The following CLEC16A variants were observed in gnomAD, a reference collection of about 807,000 sequenced individuals.
The protein encoded by CLEC16A is protein CLEC16A.
CLEC16A carries 51 observed loss-of-function variants against 109.5 expected under a neutral mutation model. That is an observed-to-expected ratio of 0.47 (90% confidence interval 0.37 to 0.59). The LOEUF is 0.59. Among genes scored for constraint, CLEC16A ranks in the 20% least tolerant of loss-of-function variants. CLEC16A has a pLI of 0.00. For synonymous variants in CLEC16A, 673 were observed against 564.2 expected (o/e 1.19, Z -2.73); for missense variants, 1,339 against 1,394.0 (o/e 0.96, Z 0.63).
At chr16:11,001,903 A>G (rs897542069) in intron 10 of CLEC16A, among the ~76,000 whole-genome samples, 3 of 152,182 alleles carry the variant, frequency 2.0e-5, no homozygotes, top group African/African-American at 7.2e-5. Flanking sequence ...AATGAGAGCC[A>G]GAATTTGACA....
At chr16:11,067,652 T>A (rs1213141517) in intron 19 of CLEC16A, among the ~76,000 whole-genome samples, 2 of 152,196 alleles carry the variant, frequency 1.3e-5, no homozygotes, top group Non-Finnish European at 2.9e-5. Context: ...TGTGATCAGA[T>A]TTGTATCTCA....
At chr16:11,146,635 A>T (rs2054069148) in intron 22 of CLEC16A, among the ~76,000 whole-genome samples, 1 of 151,490 alleles carries the variant, frequency 6.6e-6, no homozygotes, top group Non-Finnish European at 1.5e-5. Context: ...AGGTGGATTG[A>T]TTGGTGTACA....
chr16:11,051,766 TAG>T, intron 18 of CLEC16A, 125 bp downstream of exon 18: 1 of 1,234,878 alleles, frequency 8.1e-7, no homozygotes. Context: ...AGACAGTGGA[TAG>T]AGAGTACCCA....
chr16:11,100,955 A>G (rs2050879950), intron 19 of CLEC16A, among the ~76,000 whole-genome samples: 1 of 152,258 alleles, frequency 6.6e-6, no homozygotes, highest in South Asian at 2.1e-4. Flanking sequence ...GTCTGTTGAG[A>G]CTGTGGCTGC....
intron 13 of CLEC16A, 67 bp from the exon 14 acceptor site, chr16:11,039,687 G>A: frequency 3.9e-6 from 6 of 1,530,870 alleles, no homozygotes. Flanking sequence ...CACTCTACAG[G>A]ACCTTTCGGT....
chr16:10,977,115 A>C, intron 7 of CLEC16A, 110 bp from the exon 8 acceptor site: 1 of 1,013,988 alleles, frequency 9.9e-7, no homozygotes, highest in Non-Finnish European at 1.5e-6. Context: ...CTTGAGACTA[A>C]CTCAAATATG....
At chr16:11,111,522 C>A (rs1014484760) in intron 19 of CLEC16A, among the ~76,000 whole-genome samples, 2 of 152,080 alleles carry the variant, frequency 1.3e-5, no homozygotes, top group African/African-American at 4.8e-5. Flanking sequence ...AAGGGTAGAC[C>A]CCACCACTTG....
At chr16:11,169,831 G>A (rs966245664) in intron 23 of CLEC16A, among the ~76,000 whole-genome samples, 1 of 152,186 alleles carries the variant, frequency 6.6e-6, no homozygotes, top group African/African-American at 2.4e-5. Flanking sequence ...CCTTCTCAGT[G>A]TGCACCTGCT....
At chr16:11,159,502 G>A (rs905348986) in intron 22 of CLEC16A, among the ~76,000 whole-genome samples, 3 of 152,214 alleles carry the variant, frequency 2.0e-5, no homozygotes, top group African/African-American at 7.2e-5. Context: ...ATGCCAGCCC[G>A]AGCAGTTCCA....
intron 19 of CLEC16A, among the ~76,000 whole-genome samples, chr16:11,109,229 G>T (rs569955804): frequency 6.6e-6 from 1 of 150,596 alleles, no homozygotes; most frequent in African/African-American, 2.4e-5. Context: ...GCAGTGGTGC[G>T]ATCATGACCC....
chr16:11,047,399 TC>T, intron 17 of CLEC16A, 57 bp downstream of exon 17: 1 of 1,390,660 alleles, frequency 7.2e-7, no homozygotes, highest in South Asian at 1.4e-5. Context: ...CCTGCCAAGC[TC>T]CCCCTGCCCA....
At chr16:10,997,986 G>T (rs922828565) in intron 10 of CLEC16A, among the ~76,000 whole-genome samples, 1 of 152,186 alleles carries the variant, frequency 6.6e-6, no homozygotes, top group Non-Finnish European at 1.5e-5. Flanking sequence ...TGTCTTCTCA[G>T]CCATGTGTCT....
At chr16:11,031,781 T>G (rs754775014) in intron 13 of CLEC16A, among the ~76,000 whole-genome samples, 3 of 151,970 alleles carry the variant, frequency 2.0e-5, no homozygotes, top group Non-Finnish European at 4.4e-5. Flanking sequence ...TAAAACTAGG[T>G]AATGCGGTGG....
At chr16:11,019,323 A>T (rs2045953809) in intron 11 of CLEC16A, among the ~76,000 whole-genome samples, 1 of 152,202 alleles carries the variant, frequency 6.6e-6, no homozygotes, top group African/African-American at 2.4e-5. Flanking sequence ...AAAAATAAAA[A>T]TGCACACCAT....
chr16:10,950,733 T>A (rs1203256132), intron 1 of CLEC16A, among the ~76,000 whole-genome samples: 1 of 152,202 alleles, frequency 6.6e-6, no homozygotes, highest in Non-Finnish European at 1.5e-5. Context: ...TCTGCCCGAG[T>A]GCTGAACAGG....
At chr16:11,086,030 T>G (rs1393434861) in intron 19 of CLEC16A, among the ~76,000 whole-genome samples, 3 of 152,228 alleles carry the variant, frequency 2.0e-5, no homozygotes, top group Non-Finnish European at 4.4e-5. Context: ...AATAGCCGCT[T>G]CACAGGGAGT....
Position 11,174,251 on chromosome 16 carries a change from A to G in CLEC16A, c.2807-4084A>G. On this transcript the variant is annotated intron_variant, in intron 23 of 23. Coordinates refer to ENST00000409790, the MANE Select transcript of CLEC16A (RefSeq NM_015226.3). The surrounding 1 kb of genome is among the most constrained non-coding windows in gnomAD (Gnocchi z 4.7). The stretch of plus-strand genomic sequence containing the variant: ...TTTAGTGCTCCGAACGGCAGCTGCC[A>G]CGGCACCTCACGCACAGTCAATTCA... 1 of 466,062 alleles carries G rather than the reference A, an allele frequency of 2.1e-6. No individual in the cohort carries two copies. Among genetic ancestry groups the G allele is most frequent in the Non-Finnish European group, 4.4e-6 (1 of 226,862 alleles). 28.9% of individuals were successfully genotyped at this position (466,062 alleles called of 1,614,324 possible).
chr16:11,163,243 C>T (rs187742868), intron 22 of CLEC16A, among the ~76,000 whole-genome samples: 84 of 152,264 alleles, frequency 5.5e-4, no homozygotes, highest in Non-Finnish European at 9.6e-4. Flanking sequence ...GATGTGTTGC[C>T]ACTTTGATTT....
chr16:11,044,242 C>CT (rs34469970), intron 16 of CLEC16A, 170 bp downstream of exon 16: 6 of 482,286 alleles, frequency 1.2e-5, no homozygotes, highest in Non-Finnish European at 2.0e-5. Flanking sequence ...AATATCTAAA[C>CT]TTTTCTGTCC....
Sources: allele counts gnomAD v4.1 joint callset (sites outside exome capture counted in the v4.1 genomes callset), GRCh38; gene constraint gnomAD v4.1.1; non-coding constraint Gnocchi (gnomAD v3.1); transcripts MANE v1.5; gene names NCBI Gene and HGNC (gene_info 2026-07-23, HGNC 2026-07-21).